The following CLDN10 variants were observed in gnomAD, a reference collection of about 807,000 sequenced individuals.
CLDN10 encodes claudin 10.
A neutral mutation model predicts 22.9 loss-of-function variants in CLDN10; 15 were observed. The observed-to-expected ratio is 0.65, with a 90% CI of 0.44 to 1.01. The LOEUF (loss-of-function observed/expected upper bound fraction) is 1.01, where lower values mean the gene tolerates loss of function less well. Among genes scored for constraint, CLDN10 ranks in the 50% least tolerant of loss-of-function variants. The pLI, the probability that CLDN10 is intolerant of heterozygous loss-of-function variation, is 0.00. For synonymous variants in CLDN10, 114 were observed against 111.4 expected (o/e 1.02, Z -0.15); for missense variants, 247 against 287.8 (o/e 0.86, Z 1.03).
intron 1 of CLDN10, among the ~76,000 whole-genome samples, chr13:95,446,825 G>C (rs1017491460): frequency 2.8e-4 from 43 of 151,832 alleles, no homozygotes; most frequent in African/African-American, 9.9e-4. Context: ...CTGGGCAACA[G>C]AGTGAGACTC....
At chr13:95,439,776 A>T (rs2042307194) in intron 1 of CLDN10, among the ~76,000 whole-genome samples, 1 of 152,230 alleles carries the variant, frequency 6.6e-6, no homozygotes, top group Non-Finnish European at 1.5e-5. Flanking sequence ...GGGCACACAA[A>T]GAGTCACAAC....
intron 1 of CLDN10, among the ~76,000 whole-genome samples, chr13:95,522,956 T>C (rs2043238460): frequency 6.6e-6 from 1 of 151,936 alleles, no homozygotes; most frequent in South Asian, 2.1e-4. Context: ...TTGTTTTGTC[T>C]CTTGGGTTTT....
intron 1 of CLDN10, among the ~76,000 whole-genome samples, chr13:95,458,263 T>G (rs2042501332): frequency 6.6e-6 from 1 of 152,166 alleles, no homozygotes; most frequent in Non-Finnish European, 1.5e-5. Flanking sequence ...GGTAGAGAAA[T>G]AGCCTCCGTG....
chr13:95,514,992 G>A (rs542136642), intron 1 of CLDN10, among the ~76,000 whole-genome samples: 1 of 152,260 alleles, frequency 6.6e-6, no homozygotes, highest in East Asian at 1.9e-4. Flanking sequence ...AGGAGACTTG[G>A]CTGCAACTTG....
chr13:95,534,091 G>T (rs541176992), intron 1 of CLDN10, among the ~76,000 whole-genome samples: 28 of 152,234 alleles, frequency 1.8e-4, no homozygotes, highest in Admixed American at 1.3e-3. Flanking sequence ...GTCACTGAGG[G>T]ATCGTTTGGG....
chr13:95,488,950 C>CTTTTT (rs58919737), intron 1 of CLDN10, among the ~76,000 whole-genome samples: 10 of 110,748 alleles, frequency 9.0e-5, no homozygotes, highest in East Asian at 2.6e-4. Context: ...ACTTTTTGTT[C>CTTTTT]TTTTTTTTTT....
intron 3 of CLDN10, among the ~76,000 whole-genome samples, chr13:95,575,950 C>A (rs2043918728): frequency 6.6e-6 from 1 of 152,200 alleles, no homozygotes; most frequent in South Asian, 2.1e-4. Flanking sequence ...TGCCAGGTAC[C>A]ATGCATGCTT....
intron 1 of CLDN10, among the ~76,000 whole-genome samples, chr13:95,513,616 G>C (rs185699953): frequency 9.9e-5 from 15 of 151,398 alleles, no homozygotes; most frequent in Non-Finnish European, 1.5e-4. Flanking sequence ...TTTAAACTTA[G>C]AGAAACTGAG....
chr13:95,451,877 A>T (rs1458086446), intron 1 of CLDN10, among the ~76,000 whole-genome samples: 1 of 152,224 alleles, frequency 6.6e-6, no homozygotes, highest in Non-Finnish European at 1.5e-5. Context: ...TAGCAAGTCT[A>T]TTGGAATGGT....
At chr13:95,507,441 T>G (rs1318313682) in intron 1 of CLDN10, among the ~76,000 whole-genome samples, 2 of 152,106 alleles carry the variant, frequency 1.3e-5, no homozygotes, top group Non-Finnish European at 2.9e-5. Flanking sequence ...TGGTAATTAT[T>G]TTTTGTTTTT....
At chr13:95,553,861 C>T (rs2043601249) in intron 1 of CLDN10, among the ~76,000 whole-genome samples, 1 of 152,156 alleles carries the variant, frequency 6.6e-6, no homozygotes. Context: ...GATGTCAGCC[C>T]GGTCCCATTG....
chr13:95,481,891 T>C (rs1397430103), intron 1 of CLDN10, among the ~76,000 whole-genome samples: 1 of 152,042 alleles, frequency 6.6e-6, no homozygotes, highest in Admixed American at 6.6e-5. Context: ...TGGTGGTGCA[T>C]GTCTGTAATC....
intron 1 of CLDN10, among the ~76,000 whole-genome samples, chr13:95,546,264 A>G (rs1248422425): frequency 6.6e-6 from 1 of 152,182 alleles, no homozygotes; most frequent in Non-Finnish European, 1.5e-5. Flanking sequence ...GGTGGGAAGC[A>G]ACTTCTCACA....
chr13:95,467,287 T>G (rs943187018), intron 1 of CLDN10, among the ~76,000 whole-genome samples: 2 of 152,156 alleles, frequency 1.3e-5, no homozygotes, highest in Non-Finnish European at 2.9e-5. Context: ...TCTCTAAAAT[T>G]TAAGGACTTT....
intron 1 of CLDN10, among the ~76,000 whole-genome samples, chr13:95,468,801 C>T (rs1419587044): frequency 6.6e-6 from 1 of 151,982 alleles, no homozygotes; most frequent in African/African-American, 2.4e-5. Context: ...GGTATCTAGG[C>T]CTTTTCAACA....
intron 1 of CLDN10, among the ~76,000 whole-genome samples, chr13:95,507,509 G>T (rs914773899): frequency 2.6e-5 from 4 of 152,056 alleles, no homozygotes; most frequent in Non-Finnish European, 5.9e-5. Flanking sequence ...GTGGGGTCAG[G>T]TGCGGTGTTT....
intron 3 of CLDN10, among the ~76,000 whole-genome samples, chr13:95,573,245 A>G (rs937510550): frequency 2.0e-5 from 3 of 152,246 alleles, no homozygotes; most frequent in Non-Finnish European, 4.4e-5. Context: ...TATTGAAGTT[A>G]TACGCGCAGC....
chr13:95,493,861 T>C (rs112629209), intron 1 of CLDN10, among the ~76,000 whole-genome samples: 2,136 of 152,192 alleles, frequency 0.014, 19 homozygotes, highest in Non-Finnish European at 0.021. Context: ...TGCCCGGCCA[T>C]ATTTGTCCTT....
At position 95,515,127 on chromosome 13, in the gene CLDN10, T is replaced by A. The variant is rs188466776; in HGVS notation, c.215-45005T>A. 1.4e-3 allele frequency among the ~76,000 whole-genome samples: 211 copies of A among 152,322 alleles called. 1 individual carries two copies. The highest frequency in any genetic ancestry group is 4.9e-3 in the African/African-American group (203 of 41,578). On this transcript the variant is annotated intron_variant, in intron 1 of 4. Coordinates refer to the CLDN10 transcript ENST00000376873. ...CTCAAGCAATCCTCCTATCTTAGCCTCCTGAGGAGCTGGGACTAGAGGCAC... is the reference window on the plus strand; with the variant it reads ...CTCAAGCAATCCTCCTATCTTAGCCACCTGAGGAGCTGGGACTAGAGGCAC...
Sources: gnomAD v4.1 joint callset for allele counts (sites outside exome capture counted in the v4.1 genomes callset) on GRCh38, gnomAD v4.1.1 for gene constraint, MANE v1.5 for transcripts, NCBI Gene and HGNC (gene_info 2026-07-23, HGNC 2026-07-21) for gene names.